The following CDH8 variants were observed in gnomAD, a reference collection of about 807,000 sequenced individuals.
CDH8 encodes cadherin 8.
A neutral mutation model predicts 68.1 loss-of-function variants in CDH8; 17 were observed. The ratio of observed to expected loss-of-function variants is 0.25; its 90% CI spans 0.17 to 0.37. CDH8 has a LOEUF of 0.37. Among genes scored for constraint, CDH8 ranks in the 10% least tolerant of loss-of-function variants. The probability of loss-of-function intolerance (pLI) is 1.00; values close to 1 mark genes in which losing one functional copy is unlikely to be tolerated. For synonymous variants in CDH8, 372 were observed against 365.1 expected, an observed-to-expected ratio of 1.02 and a Z score of -0.21; for missense variants, 763 against 999.3, an observed-to-expected ratio of 0.76 and a Z score of 3.19.
At chr16:62,030,334 T>C (rs1294842214) in intron 1 of CDH8, among the ~76,000 whole-genome samples, 1 of 152,230 alleles carries the variant, frequency 6.6e-6, no homozygotes, top group Non-Finnish European at 1.5e-5. Context: ...AGAAGATATG[T>C]GTTTTAACCC....
intron 10 of CDH8, among the ~76,000 whole-genome samples, chr16:61,679,960 C>T (rs1408664120): frequency 1.3e-5 from 2 of 151,930 alleles, no homozygotes; most frequent in Admixed American, 6.6e-5. Flanking sequence ...ATCATTCATT[C>T]AATTTTTGAA....
intron 9 of CDH8, among the ~76,000 whole-genome samples, chr16:61,718,140 T>C (rs1444639755): frequency 2.6e-5 from 4 of 151,420 alleles, no homozygotes; most frequent in Non-Finnish European, 5.9e-5. Context: ...TTTCTATATA[T>C]GTATTTCTGT....
intron 10 of CDH8, among the ~76,000 whole-genome samples, chr16:61,680,669 T>A (rs1301209956): frequency 2.6e-5 from 4 of 151,742 alleles, no homozygotes; most frequent in Non-Finnish European, 4.4e-5. Flanking sequence ...TTGGCACCTA[T>A]GACATATGTA....
Position 61,817,606 on chromosome 16 carries a change from C to G in CDH8, c.1150G>C (p.Asp384His). The change falls in exon 7 of 12, where the codon GAT becomes CAT. Residue 384 changes from aspartate (D) to histidine (H), a missense_variant. Around this residue, in one of 2 missense-constraint regions of CDH8, gnomAD observed 366 missense variants for 563.1 expected, o/e 0.65. Coordinates refer to ENST00000577390, the MANE Select transcript of CDH8 (RefSeq NM_001796.5). ...DTATVKIVVE[D>H]ADEPPVFSSP... ...GAGAAGACCGGAGGCTCATCAGCAT[C>G]TTCAACCACGATTTTGACTGTCGCC... 6.2e-7 allele frequency: 1 copy of G among 1,614,014 alleles called. No homozygotes were observed. The highest frequency in any genetic ancestry group is 8.5e-7 in the Non-Finnish European group (1 of 1,179,996).
chr16:61,841,190 G>C (rs541001892), intron 4 of CDH8, among the ~76,000 whole-genome samples: 1 of 152,106 alleles, frequency 6.6e-6, no homozygotes, highest in African/African-American at 2.4e-5. Flanking sequence ...ATATTCCTTC[G>C]ATATTCTTAT....
At chr16:61,711,660 A>G (rs1419715776) in intron 10 of CDH8, 1 of 151,772 alleles carries the variant, frequency 6.6e-6, no homozygotes, top group African/African-American at 2.4e-5. Flanking sequence ...ATCTAGGAAG[A>G]GGAACATAGA....
chr16:61,698,213 T>G (rs1174482443), intron 10 of CDH8, among the ~76,000 whole-genome samples: 1 of 152,232 alleles, frequency 6.6e-6, no homozygotes, highest in Non-Finnish European at 1.5e-5. Flanking sequence ...TAATTATTTG[T>G]GTTTTTTTAT....
At chr16:61,862,811 A>G (rs1963175722) in intron 3 of CDH8, among the ~76,000 whole-genome samples, 1 of 152,202 alleles carries the variant, frequency 6.6e-6, no homozygotes, top group East Asian at 1.9e-4. Context: ...CTTGCAGGAT[A>G]ATGTTTCTTC....
chr16:61,692,764 G>A (rs1964254652), intron 10 of CDH8: 1 of 152,102 alleles, frequency 6.6e-6, no homozygotes, highest in African/African-American at 2.4e-5. Flanking sequence ...AATCTTCGGT[G>A]AGTAGATGGG....
chr16:61,652,213 G>A lies in CDH8; in HGVS notation c.*1395C>T. On this transcript the variant is annotated 3_prime_UTR_variant, in exon 12 of 12. Transcript: ENST00000577390. ...AAATTAAATATGCTCACATCTTCTA[G>A]TGCTGTTCCTTTTTGGAGTCTAAGA... 3 of 981,866 alleles carry A rather than the reference G, an allele frequency of 3.1e-6. No individual in the cohort carries two copies. Among genetic ancestry groups the A allele is most frequent in the Non-Finnish European group, 3.6e-6 (3 of 826,756 alleles). 60.8% of individuals were successfully genotyped at this position (981,866 alleles called of 1,614,324 possible).
At chr16:61,921,349 G>A (rs928940363) in intron 2 of CDH8, among the ~76,000 whole-genome samples, 1 of 151,222 alleles carries the variant, frequency 6.6e-6, no homozygotes, top group Non-Finnish European at 1.5e-5. Context: ...AAAACCTCAT[G>A]TTCTTGAAAA....
chr16:61,792,365 A>T (rs1342232836), intron 7 of CDH8, among the ~76,000 whole-genome samples: 2 of 152,030 alleles, frequency 1.3e-5, no homozygotes, highest in Non-Finnish European at 2.9e-5. Context: ...TTTAAAGTCT[A>T]CCTCAACTAT....
chr16:61,766,224 T>G (rs1047366665), intron 8 of CDH8, among the ~76,000 whole-genome samples: 4 of 151,634 alleles, frequency 2.6e-5, no homozygotes, highest in Non-Finnish European at 5.9e-5. Flanking sequence ...CTGCCACTTA[T>G]AAGTGAGAAC....
intron 2 of CDH8, among the ~76,000 whole-genome samples, chr16:61,912,816 G>C (rs1457993497): frequency 6.6e-6 from 1 of 152,016 alleles, no homozygotes; most frequent in Non-Finnish European, 1.5e-5. Flanking sequence ...ATACATGAAA[G>C]CTTTTTTATA....
rs1017644526 is a variant in CDH8 at position 61,717,423 on chromosome 16, T to C, written c.1537-3465A>G. 5.9e-5 allele frequency among the ~76,000 whole-genome samples: 9 copies of C among 151,556 alleles called. No homozygotes were observed. In the East Asian group the frequency reaches 1.4e-3, roughly 23 times the overall value. On this transcript the variant is annotated intron_variant, in intron 9 of 11. Transcript: ENST00000577390. ...GACATGAAACTAGAAAACAATTGTGTGCTACAGTATAATTCTGACCCTTAA... is the reference window on the plus strand; with the variant it reads ...GACATGAAACTAGAAAACAATTGTGCGCTACAGTATAATTCTGACCCTTAA...
intron 2 of CDH8, among the ~76,000 whole-genome samples, chr16:62,000,301 C>G (rs543044427): frequency 6.6e-6 from 1 of 152,024 alleles, no homozygotes; most frequent in Admixed American, 6.6e-5. Flanking sequence ...ATTTATAATC[C>G]TTTGGGTATA....
At chr16:61,885,048 C>G (rs1408528805) in intron 3 of CDH8, among the ~76,000 whole-genome samples, 1 of 152,144 alleles carries the variant, frequency 6.6e-6, no homozygotes, top group Non-Finnish European at 1.5e-5. Flanking sequence ...TTCATTGATT[C>G]ATTTAAATGT....
At chr16:61,870,109 T>C (rs1046613507) in intron 3 of CDH8, among the ~76,000 whole-genome samples, 4 of 152,242 alleles carry the variant, frequency 2.6e-5, no homozygotes, top group African/African-American at 4.8e-5. Context: ...TCTCACAGAG[T>C]GCCTTAAAAA....
chr16:61,993,475 A>G (rs1375696310), intron 2 of CDH8, among the ~76,000 whole-genome samples: 5 of 152,260 alleles, frequency 3.3e-5, no homozygotes, highest in Non-Finnish European at 4.4e-5. Flanking sequence ...ATGTACCACC[A>G]TAATTTTTTA....
Sources: gnomAD v4.1 joint callset for allele counts (sites outside exome capture counted in the v4.1 genomes callset) on GRCh38, gnomAD v4.1.1 for gene constraint, gnomAD v4.1.1 regional missense constraint, MANE v1.5 for transcripts, NCBI Gene and HGNC (gene_info 2026-07-23, HGNC 2026-07-21) for gene names.